The following FBXW8 variants were observed in gnomAD, a reference collection of about 807,000 sequenced individuals.
The protein encoded by FBXW8 is F-box and WD repeat domain containing 8, also known as F-box/WD repeat-containing protein 8.
FBXW8 carries 57 observed loss-of-function variants against 65.3 expected under a neutral mutation model. That is an observed-to-expected ratio of 0.87 (90% CI 0.71 to 1.09). The LOEUF (loss-of-function observed/expected upper bound fraction) is 1.09, where lower values mean the gene tolerates loss of function less well. FBXW8 is among the 50% of genes least tolerant of loss of function. The pLI, the probability that FBXW8 is intolerant of heterozygous loss-of-function variation, is 0.00. For missense variants in FBXW8, 777 were observed against 814.8 expected (o/e 0.95, Z 0.57); for synonymous variants, 308 against 330.2 (o/e 0.93, Z 0.73).
intron 2 of FBXW8, among the ~76,000 whole-genome samples, chr12:116,942,237 G>A (rs1341965814): frequency 6.6e-6 from 1 of 150,888 alleles, no homozygotes; most frequent in Non-Finnish European, 1.5e-5. Context: ...CTGTTCATCA[G>A]TGTGGCCTCA....
chr12:116,945,274 G>C, intron 2 of FBXW8, 90 bp from the exon 3 acceptor site: 1 of 1,317,268 alleles, frequency 7.6e-7, no homozygotes, highest in South Asian at 1.4e-5. Flanking sequence ...ATAAACCCAG[G>C]GCAATAATAT....
chr12:116,942,484 C>G (rs563504369), intron 2 of FBXW8, among the ~76,000 whole-genome samples: 2 of 151,002 alleles, frequency 1.3e-5, no homozygotes, highest in African/African-American at 4.9e-5. Flanking sequence ...AAGTGATTCT[C>G]CTGCCTCAGC....
At chr12:116,926,055 G>A (rs1393279973) in intron 1 of FBXW8, among the ~76,000 whole-genome samples, 2 of 152,194 alleles carry the variant, frequency 1.3e-5, no homozygotes, top group Non-Finnish European at 2.9e-5. Context: ...GGCCAGCTGA[G>A]TAGGCAAAAG....
At chr12:116,940,574 C>A (rs149420525) in intron 2 of FBXW8, among the ~76,000 whole-genome samples, 1 of 146,570 alleles carries the variant, frequency 6.8e-6, no homozygotes, top group African/African-American at 2.5e-5. Context: ...GTTACTGTTG[C>A]GAGGAAGAGA....
chr12:116,954,855 C>T (rs892771070), intron 4 of FBXW8, among the ~76,000 whole-genome samples: 1 of 152,196 alleles, frequency 6.6e-6, no homozygotes, highest in Non-Finnish European at 1.5e-5. Context: ...GCCCGTGCCT[C>T]CTGCCCCTCT....
intron 7 of FBXW8, 76 bp from the exon 8 acceptor site, chr12:117,010,247 G>C (rs1000417217): frequency 6.2e-7 from 1 of 1,602,278 alleles, no homozygotes; most frequent in Non-Finnish European, 8.5e-7. Flanking sequence ...TGCCCTCCAC[G>C]ATGGTGAAAT....
intron 7 of FBXW8, among the ~76,000 whole-genome samples, chr12:116,999,769 C>T (rs1346122420): frequency 1.3e-5 from 2 of 152,174 alleles, no homozygotes; most frequent in East Asian, 1.9e-4. Flanking sequence ...CAGAATGAGA[C>T]CCCTGCTCCA....
chr12:116,968,630 A>G (rs1266726555), intron 5 of FBXW8, among the ~76,000 whole-genome samples: 1 of 152,242 alleles, frequency 6.6e-6, no homozygotes, highest in Non-Finnish European at 1.5e-5. Context: ...TTTCTGGGTT[A>G]CAGGGTAAAT....
intron 3 of FBXW8, among the ~76,000 whole-genome samples, chr12:116,946,303 C>T (rs1402949020): frequency 6.6e-6 from 1 of 152,186 alleles, no homozygotes; most frequent in Non-Finnish European, 1.5e-5. Context: ...TGTCCCTACT[C>T]ACCTCCTAAC....
intron 3 of FBXW8, among the ~76,000 whole-genome samples, chr12:116,947,003 C>G (rs557952598): frequency 1.3e-5 from 2 of 152,152 alleles, no homozygotes; most frequent in African/African-American, 2.4e-5. Context: ...TCGAAGATGT[C>G]AGACCGTGGT....
chr12:116,985,057 T>A, intron 5 of FBXW8, 149 bp from the exon 6 acceptor site: 3 of 609,094 alleles, frequency 4.9e-6, no homozygotes, highest in Non-Finnish European at 8.6e-6. Flanking sequence ...CAGGTATATA[T>A]GAAACGTAAG....
At chr12:117,001,615 T>C (rs567985231) in intron 7 of FBXW8, among the ~76,000 whole-genome samples, 138 of 152,314 alleles carry the variant, frequency 9.1e-4, no homozygotes, top group Non-Finnish European at 1.5e-3. Flanking sequence ...CTCCGTAAGA[T>C]AGATATTATA....
intron 1 of FBXW8, among the ~76,000 whole-genome samples, chr12:116,915,018 A>T (rs910836699): frequency 6.6e-6 from 1 of 152,144 alleles, no homozygotes; most frequent in Non-Finnish European, 1.5e-5. Flanking sequence ...TCTCCCAACA[A>T]CTCTCTCCAG....
At chr12:116,978,642 A>T (rs1226006154) in intron 5 of FBXW8, 1 of 152,224 alleles carries the variant, frequency 6.6e-6, no homozygotes, top group Non-Finnish European at 1.5e-5. Flanking sequence ...GCTCAAGAGG[A>T]TGGGAGCTCG....
intron 7 of FBXW8, among the ~76,000 whole-genome samples, chr12:117,001,750 C>A (rs1345404167): frequency 6.6e-6 from 1 of 152,154 alleles, no homozygotes; most frequent in Non-Finnish European, 1.5e-5. Flanking sequence ...AGCTCCCAGT[C>A]AGTCATACAT....
chr12:116,923,047 A>C lies in FBXW8; in HGVS notation c.319-4976A>C, dbSNP rs1239130954. ...TGACAAAACCCTGTCTCTACTAAAA[A>C]ATACAAAAATTAGCTAGATGTGGTG... On this transcript the variant is annotated intron_variant, in intron 1 of 10. Coordinates refer to ENST00000652555, the MANE Select transcript of FBXW8 (RefSeq NM_153348.3). Among the ~76,000 whole-genome samples, 6 of 152,182 alleles carry C rather than the reference A, an allele frequency of 3.9e-5. No homozygotes were observed. In the East Asian group the frequency reaches 9.6e-4, roughly 24 times the overall value.
At chr12:116,964,875 T>A (rs1565917186) in intron 5 of FBXW8, 21 bp downstream of exon 5, 1 of 1,556,076 alleles carries the variant, frequency 6.4e-7, no homozygotes, top group Admixed American at 2.1e-5. Flanking sequence ...ACAACCCTCC[T>A]CCCTATTAAG....
intron 5 of FBXW8, among the ~76,000 whole-genome samples, chr12:116,972,155 A>G (rs1303314755): frequency 1.3e-5 from 2 of 152,242 alleles, no homozygotes; most frequent in Non-Finnish European, 2.9e-5. Context: ...AGACATTAAG[A>G]TGCATAAATT....
rs544511298 is a variant in FBXW8, at chr12:116,925,240, G to T, written c.319-2783G>T. Among the ~76,000 whole-genome samples, 100 of 152,156 alleles carry T rather than the reference G, an allele frequency of 6.6e-4. No homozygotes were observed. The South Asian group carries it at 0.015, about 23-fold the overall frequency. ...GTCATTGGATACAGGCTGCCTTAGT[G>T]GGGTGGGAGGGGATGCAACCTGGGT... is the stretch of plus-strand genomic sequence containing the variant. On this transcript the variant is annotated intron_variant, in intron 1 of 10. Transcript: ENST00000652555.
Sources: allele counts gnomAD v4.1 joint callset (sites outside exome capture counted in the v4.1 genomes callset), GRCh38; gene constraint gnomAD v4.1.1; transcripts MANE v1.5; gene names NCBI Gene and HGNC (gene_info 2026-07-23, HGNC 2026-07-21).